RPH3A: variants seen among roughly 807,000 people sequenced by gnomAD.
RPH3A encodes the protein rabphilin 3A, also known as rabphilin-3A.
RPH3A carries 48 observed loss-of-function variants against 102.2 expected under a neutral mutation model. That is an observed-to-expected ratio of 0.47 (90% CI 0.37 to 0.60). RPH3A has a LOEUF of 0.60. Among genes scored for constraint, RPH3A ranks in the 20% least tolerant of loss-of-function variants. The pLI is 0.00. For missense variants in RPH3A, 781 were observed against 910.1 expected (o/e 0.86, Z 1.83); for synonymous variants, 310 against 324.3 (o/e 0.96, Z 0.47).
intron 6 of RPH3A, among the ~76,000 whole-genome samples, chr12:112,866,077 G>T (rs1020333604): frequency 6.6e-6 from 1 of 152,124 alleles, no homozygotes; most frequent in African/African-American, 2.4e-5. Context: ...TGACAGTTTG[G>T]GAGCAAAGAT....
chr12:112,865,458 G>C lies in RPH3A; in HGVS notation c.275G>C (p.Gly92Ala). 3 of 1,614,134 alleles carry C rather than the reference G, an allele frequency of 1.9e-6. No individual in the cohort carries two copies. Among genetic ancestry groups the C allele is most frequent in the Non-Finnish European group, 2.5e-6 (3 of 1,180,024 alleles). Residue 92 changes from glycine to alanine, a missense_variant, in exon 6 of 22, where the codon GGA becomes GCA. Coordinates refer to ENST00000389385, the MANE Select transcript of RPH3A (RefSeq NM_001143854.2). Reference sequence around the variant, plus strand: ...GAAAACATGAGGAAGAACGTGGCTGGAGATGGGGTGAACCGCTGCATACTG... The same window carrying C: ...GAAAACATGAGGAAGAACGTGGCTGCAGATGGGGTGAACCGCTGCATACTG... ...RLENMRKNVA[G>A]DGVNRCILCG...
chr12:112,828,776 A>C (rs2041922107), intron 3 of RPH3A, among the ~76,000 whole-genome samples: 1 of 152,248 alleles, frequency 6.6e-6, no homozygotes, highest in Admixed American at 6.5e-5. Flanking sequence ...AGAGATTACA[A>C]ACTGGCAGAC....
At chr12:112,832,918 A>G (rs2041992570) in intron 3 of RPH3A, among the ~76,000 whole-genome samples, 1 of 149,360 alleles carries the variant, frequency 6.7e-6, no homozygotes, top group African/African-American at 2.5e-5. Context: ...AAAGTTAAAC[A>G]CATTTCAATT....
chr12:112,812,749 A>T (rs2041600918), intron 2 of RPH3A, among the ~76,000 whole-genome samples: 1 of 151,912 alleles, frequency 6.6e-6, no homozygotes, highest in African/African-American at 2.4e-5. Flanking sequence ...TTATTCATTC[A>T]CTAAAACTGG....
intron 2 of RPH3A, among the ~76,000 whole-genome samples, chr12:112,823,131 C>G (rs955096937): frequency 1.3e-5 from 2 of 152,200 alleles, no homozygotes; most frequent in African/African-American, 4.8e-5. Context: ...CTCTTTGTCT[C>G]TGAGGCTGAG....
intron 1 of RPH3A, among the ~76,000 whole-genome samples, chr12:112,760,176 C>T (rs1226216965): frequency 6.6e-6 from 1 of 152,156 alleles, no homozygotes; most frequent in Non-Finnish European, 1.5e-5. Context: ...TCCCCACTGA[C>T]CACCATTTTT....
intron 1 of RPH3A, among the ~76,000 whole-genome samples, chr12:112,706,536 C>G (rs1174792043): frequency 6.6e-6 from 1 of 152,170 alleles, no homozygotes; most frequent in Non-Finnish European, 1.5e-5. Flanking sequence ...TCTGGAGAAA[C>G]CCTGCCCCAA....
chr12:112,690,337 A>G (rs1248206886), intron 1 of RPH3A, among the ~76,000 whole-genome samples: 1 of 152,246 alleles, frequency 6.6e-6, no homozygotes, highest in African/African-American at 2.4e-5. Context: ...CAAGGGGCTC[A>G]GCCACCCCTT....
In RPH3A at chr12:112,791,903, A is replaced by AGAGAGAGAGAGAGAGACT. The variant is rs1565882498; in HGVS notation, c.-247_-246insGAGAGAGAGAGAGACTGA. The AGAGAGAGAGAGAGAGACT allele has an allele frequency of 6.7e-6, 1 of 150,206 alleles. No individual in the cohort carries two copies. The allele number at this position is 150,206 out of a possible 1,614,324, so 9.3% of individuals were successfully genotyped here. On this transcript the variant is annotated 5_prime_UTR_variant, in exon 1 of 22. Transcript: ENST00000389385. ...GAGAGAGAGAGAGAGAGAGAGAGAG[A>AGAGAGAGAGAGAGAGACT]GACTCACAGAGCTAAAACCTTCATC...
intron 1 of RPH3A, among the ~76,000 whole-genome samples, chr12:112,654,546 A>G (rs916569435): frequency 3.3e-5 from 5 of 152,034 alleles, no homozygotes; most frequent in Admixed American, 3.3e-4. Flanking sequence ...AGCTTTGTCG[A>G]TTTTTGCAAC....
intron 1 of RPH3A, among the ~76,000 whole-genome samples, chr12:112,785,000 A>G (rs1181843723): frequency 1.3e-5 from 2 of 152,134 alleles, no homozygotes; most frequent in Non-Finnish European, 2.9e-5. Context: ...AGGCGGGTGG[A>G]TCACCTGAGG....
chr12:112,836,700 A>G (rs1353931024), intron 4 of RPH3A, among the ~76,000 whole-genome samples, 198 bp downstream of exon 4: 1 of 152,006 alleles, frequency 6.6e-6, no homozygotes, highest in African/African-American at 2.4e-5. Flanking sequence ...TAAAAAAAAA[A>G]CTCATACCAA....
chr12:112,596,052 A>G (rs2039514187), intron 1 of RPH3A, among the ~76,000 whole-genome samples: 1 of 152,220 alleles, frequency 6.6e-6, no homozygotes, highest in South Asian at 2.1e-4. Flanking sequence ...GTAGGTTGGT[A>G]TGTGTGGACG....
At chr12:112,661,137 C>T (rs538729265) in intron 1 of RPH3A, among the ~76,000 whole-genome samples, 10 of 152,250 alleles carry the variant, frequency 6.6e-5, no homozygotes, top group Non-Finnish European at 1.3e-4. Context: ...CATCTAGATA[C>T]ACTCTCGGGT....
rs2041115305 is a variant in RPH3A, at chr12:112,791,869, A to AGAGAGAGC, written c.-276_-275insCGAGAGAG. 7.3e-6 allele frequency: 1 copy of AGAGAGAGC among 136,836 alleles called. No individual in the cohort carries two copies. The highest frequency in any genetic ancestry group is 2.8e-5 in the African/African-American group (1 of 35,820). The allele number at this position is 136,836 out of a possible 1,614,324, so 8.5% of individuals were successfully genotyped here. On this transcript the variant is annotated 5_prime_UTR_variant, in exon 1 of 22. Transcript: ENST00000389385. The stretch of plus-strand genomic sequence containing the variant: ...CGGACTGGAAAGGAAGGGAGAAGGG[A>AGAGAGAGC]GAGAGAGAGAGAGAGAGAGAGAGAG...
chr12:112,891,159 G>T, intron 19 of RPH3A, 156 bp downstream of exon 19: 1 of 798,988 alleles, frequency 1.3e-6, no homozygotes, highest in Non-Finnish European at 1.9e-6. Context: ...GCCTACAACT[G>T]GCAAGAATGT....
chr12:112,720,831 C>G (rs2136042146), intron 1 of RPH3A, among the ~76,000 whole-genome samples: 1 of 152,280 alleles, frequency 6.6e-6, no homozygotes, highest in East Asian at 1.9e-4. Flanking sequence ...TAGGGAAGTA[C>G]ACTTGGTCTT....
intron 1 of RPH3A, among the ~76,000 whole-genome samples, chr12:112,698,811 CCTT>C (rs1304670286): frequency 1.3e-5 from 2 of 152,006 alleles, no homozygotes; most frequent in African/African-American, 2.4e-5. Flanking sequence ...GTTTTCCCCT[CCTT>C]CTCCTTCTCC....
chr12:112,763,276 C>T (rs1169847859), intron 1 of RPH3A, among the ~76,000 whole-genome samples: 1 of 152,216 alleles, frequency 6.6e-6, no homozygotes, highest in Non-Finnish European at 1.5e-5. Context: ...AAGAGTCAAA[C>T]TCTGTAAAAT....
Sources: gnomAD v4.1 joint callset for allele counts (sites outside exome capture counted in the v4.1 genomes callset) on GRCh38, gnomAD v4.1.1 for gene constraint, MANE v1.5 for transcripts, NCBI Gene and HGNC (gene_info 2026-07-23, HGNC 2026-07-21) for gene names.